The following KHDRBS2 variants were observed in gnomAD, a reference collection of about 807,000 sequenced individuals.
KHDRBS2 encodes the protein KH RNA binding domain containing, signal transduction associated 2, also known as KH domain-containing, RNA-binding, signal transduction-associated protein 2.
KHDRBS2 carries 26 observed loss-of-function variants against 44.3 expected under a neutral mutation model. That is an observed-to-expected ratio of 0.59 (90% CI 0.43 to 0.81). The LOEUF (loss-of-function observed/expected upper bound fraction) is 0.81, where lower values mean the gene tolerates loss of function less well. KHDRBS2 is among the 40% of genes least tolerant of loss of function. The pLI is 0.00. For synonymous variants in KHDRBS2, 194 were observed against 151.1 expected, an observed-to-expected ratio of 1.28 and a Z score of -2.08; for missense variants, 476 against 433.1, an observed-to-expected ratio of 1.10 and a Z score of -0.88.
intron 1 of KHDRBS2, among the ~76,000 whole-genome samples, chr6:62,247,979 C>A (rs376216460): frequency 1.1e-4 from 17 of 151,864 alleles, no homozygotes; most frequent in African/African-American, 3.9e-4. Context: ...GAATAGTAGT[C>A]GAAAACAAGT....
At chr6:62,167,753 A>C (rs1819014844) in intron 2 of KHDRBS2, among the ~76,000 whole-genome samples, 1 of 152,190 alleles carries the variant, frequency 6.6e-6, no homozygotes, top group South Asian at 2.1e-4. Flanking sequence ...TTTAAGCTGT[A>C]AGCTACAGAG....
At chr6:62,254,621 C>A (rs1248390621) in intron 1 of KHDRBS2, among the ~76,000 whole-genome samples, 2 of 151,820 alleles carry the variant, frequency 1.3e-5, no homozygotes, top group Non-Finnish European at 2.9e-5. Context: ...CAGGAGAAAG[C>A]CAGTATTTAG....
At chr6:61,792,728 G>T (rs1037856794) in intron 6 of KHDRBS2, among the ~76,000 whole-genome samples, 1 of 151,832 alleles carries the variant, frequency 6.6e-6, no homozygotes, top group African/African-American at 2.4e-5. Flanking sequence ...AGTTAGCTAG[G>T]AGTTGTAAAA....
intron 7 of KHDRBS2, among the ~76,000 whole-genome samples, chr6:61,722,093 G>A (rs372230444): frequency 5.9e-5 from 9 of 152,064 alleles, no homozygotes; most frequent in African/African-American, 1.4e-4. Flanking sequence ...ATTGATTTGC[G>A]TGTGTTGAAC....
At chr6:61,964,167 C>A (rs2127394922) in intron 4 of KHDRBS2, among the ~76,000 whole-genome samples, 1 of 152,184 alleles carries the variant, frequency 6.6e-6, no homozygotes, top group South Asian at 2.1e-4. Flanking sequence ...CAAGATTTAT[C>A]ACTTACAGTT....
At chr6:61,605,111 T>G in the KHDRBS2 span, among the ~76,000 whole-genome samples, 1 of 152,178 alleles carries the variant, frequency 6.6e-6, no homozygotes. Context: ...CTTGCCCTTC[T>G]GCGAATTCGG....
chr6:62,050,618 C>T (rs905724020), intron 2 of KHDRBS2, among the ~76,000 whole-genome samples: 2 of 151,710 alleles, frequency 1.3e-5, no homozygotes, highest in African/African-American at 4.8e-5. Flanking sequence ...ATACATACCC[C>T]AGAATGGCTA....
At chr6:62,285,495 A>G (rs1842361502) in intron 1 of KHDRBS2, among the ~76,000 whole-genome samples, 1 of 152,216 alleles carries the variant, frequency 6.6e-6, no homozygotes, top group African/African-American at 2.4e-5. Flanking sequence ...CTCTTAGAAC[A>G]CTACATTGAT....
intron 2 of KHDRBS2, among the ~76,000 whole-genome samples, chr6:62,084,483 C>G (rs2127357960): frequency 6.6e-6 from 1 of 152,168 alleles, no homozygotes; most frequent in Admixed American, 6.5e-5. Context: ...TGTGTGTACC[C>G]TGGGGAGAGA....
At chr6:61,994,824 G>A (rs529698152) in intron 3 of KHDRBS2, among the ~76,000 whole-genome samples, 1 of 152,168 alleles carries the variant, frequency 6.6e-6, no homozygotes, top group African/African-American at 2.4e-5. Flanking sequence ...CAGAGTGCGT[G>A]TGGGGTCTTC....
the KHDRBS2 span, among the ~76,000 whole-genome samples, chr6:61,546,569 C>A: frequency 1.3e-5 from 2 of 151,980 alleles, no homozygotes; most frequent in South Asian, 2.1e-4. Flanking sequence ...CCAAGCAATT[C>A]TAATATTAAA....
chr6:62,211,811 T>C (rs1380382915), intron 1 of KHDRBS2, among the ~76,000 whole-genome samples: 1 of 152,142 alleles, frequency 6.6e-6, no homozygotes, highest in Non-Finnish European at 1.5e-5. Flanking sequence ...TCTGGGTATA[T>C]ACCCAAAGGA....
At chr6:61,891,455 G>C (rs914961444) in intron 6 of KHDRBS2, among the ~76,000 whole-genome samples, 2 of 152,126 alleles carry the variant, frequency 1.3e-5, no homozygotes, top group African/African-American at 4.8e-5. Flanking sequence ...CATAAAATGA[G>C]TTAGGAAGGA....
intron 7 of KHDRBS2, among the ~76,000 whole-genome samples, chr6:61,708,971 C>T (rs1770042752): frequency 6.6e-6 from 1 of 151,636 alleles, no homozygotes; most frequent in African/African-American, 2.4e-5. Flanking sequence ...TGCTGTGTGT[C>T]ATTTTGGACA....
chr6:62,098,283 C>A (rs946593010), intron 2 of KHDRBS2, among the ~76,000 whole-genome samples: 3 of 124,058 alleles, frequency 2.4e-5, no homozygotes, highest in Admixed American at 8.6e-5. Flanking sequence ...GAACCTCTTT[C>A]TTTCAGTATA....
chr6:62,207,438 G>A (rs112663433), intron 1 of KHDRBS2, among the ~76,000 whole-genome samples: 7 of 152,174 alleles, frequency 4.6e-5, no homozygotes, highest in Admixed American at 3.3e-4. Flanking sequence ...AAAGAAACCA[G>A]AGCCATTACA....
At chr6:61,553,343 T>A in the KHDRBS2 span, among the ~76,000 whole-genome samples, 1 of 152,088 alleles carries the variant, frequency 6.6e-6, no homozygotes, top group Admixed American at 6.6e-5. Flanking sequence ...GGGTAAGTGG[T>A]AACATCCCGT....
chr6:62,058,543 C>A (rs1398069572), intron 2 of KHDRBS2, among the ~76,000 whole-genome samples: 2 of 151,800 alleles, frequency 1.3e-5, no homozygotes, highest in Non-Finnish European at 2.9e-5. Flanking sequence ...CAATCTAGGG[C>A]AGATTGCACT....
the KHDRBS2 span, among the ~76,000 whole-genome samples, chr6:61,634,619 G>C: frequency 6.6e-6 from 1 of 151,932 alleles, no homozygotes; most frequent in Non-Finnish European, 1.5e-5. Context: ...CATGATTTTT[G>C]ATTCAATTTA....
Sources: gnomAD v4.1 joint callset for allele counts (sites outside exome capture counted in the v4.1 genomes callset) on GRCh38, gnomAD v4.1.1 for gene constraint, MANE v1.5 for transcripts, NCBI Gene and HGNC (gene_info 2026-07-23, HGNC 2026-07-21) for gene names.